Variants in ATP6V1C1 observed in about 807,000 individuals in gnomAD.
ATP6V1C1 encodes the protein ATPase H+ transporting V1 subunit C1, also known as V-type proton ATPase subunit C 1.
In ATP6V1C1, 45 loss-of-function variants were observed where a neutral mutation model predicts 53.9. The observed-to-expected ratio is 0.83, with a 90% CI of 0.66 to 1.07. ATP6V1C1 has a LOEUF of 1.07. Ranked by LOEUF, ATP6V1C1 falls within the 50% of genes least tolerant of loss-of-function variation. The pLI is 0.00. For missense variants in ATP6V1C1, 315 were observed against 440.3 expected, an observed-to-expected ratio of 0.72 and a Z score of 2.55; for synonymous variants, 153 against 155.2, an observed-to-expected ratio of 0.99 and a Z score of 0.11.
chr8:103,056,065 T>TCA, intron 8 of ATP6V1C1, 129 bp downstream of exon 8: 3 of 799,112 alleles, frequency 3.8e-6, no homozygotes, highest in Non-Finnish European at 5.8e-6. Context: ...TTCTATGAAC[T>TCA]CTAGTTGTAA....
Position 103,066,447 on chromosome 8 carries a change from T to A in ATP6V1C1, c.1053T>A (p.Asp351Glu), listed in dbSNP as rs1272203615. Reference protein sequence around the residue: ...HLDSSAAAIIDAPMDIPGLNL... With the variant: ...HLDSSAAAIIEAPMDIPGLNL... ...ACAGCAGTGCAGCAGCTATTATTGA[T>A]GTAAGTACTTATTAGCCCAGTAGAG... Residue 351 changes from aspartate to glutamate, a missense_variant and splice_region_variant, in exon 12 of 13, where the codon GAT (aspartate) becomes GAA (glutamate). Asp to Glu is a conservative substitution (Grantham distance 45). Coordinates refer to ENST00000518738, the MANE Select transcript of ATP6V1C1 (RefSeq NM_001695.5). The A allele has an allele frequency of 8.2e-6, 13 of 1,590,256 alleles. No homozygotes were observed. The highest frequency in any genetic ancestry group is 1.1e-5 in the Non-Finnish European group (13 of 1,172,666).
chr8:103,070,600 TTAAGAAAAACATGTCAC>T lies in ATP6V1C1; in HGVS notation c.*1857_*1873del. ...GCATGTTTTGACATTAAATTGACTT[TTAAGAAAAACATGTCAC>T]TAACCTGAAGCTCAGCCACACAGTG... On this transcript the variant is annotated 3_prime_UTR_variant, in exon 13 of 13. Coordinates refer to ENST00000518738, the MANE Select transcript of ATP6V1C1 (RefSeq NM_001695.5). 6.6e-6 allele frequency: 1 copy of T among 152,332 alleles called. No homozygotes were observed. The highest frequency in any genetic ancestry group is 1.9e-4 in the East Asian group (1 of 5,196). The allele number at this position is 152,332 out of a possible 1,614,324, so 9.4% of individuals were successfully genotyped here. A position where few individuals can be genotyped will look rare whatever the true frequency, so the allele number is the denominator to read the frequency against.
intron 5 of ATP6V1C1, among the ~76,000 whole-genome samples, chr8:103,051,567 G>A (rs1001302509): frequency 4.6e-5 from 7 of 152,044 alleles, no homozygotes; most frequent in South Asian, 2.1e-4. Flanking sequence ...TGACCCCTTC[G>A]GACTATTTAG....
chr8:103,029,483 G>A (rs1435134095), intron 1 of ATP6V1C1, among the ~76,000 whole-genome samples: 1 of 152,102 alleles, frequency 6.6e-6, no homozygotes, highest in African/African-American at 2.4e-5. Context: ...GCCCAGGCTG[G>A]TCTTGAATTC....
At chr8:103,064,861 T>C in intron 11 of ATP6V1C1, 50 bp downstream of exon 11, 1 of 1,524,582 alleles carries the variant, frequency 6.6e-7, no homozygotes. Flanking sequence ...CATAGATTCC[T>C]TACATTGGAC....
At chr8:103,042,306 A>G (rs752902037) in intron 2 of ATP6V1C1, 34 bp from the exon 3 acceptor site, 1 of 1,585,894 alleles carries the variant, frequency 6.3e-7, no homozygotes, top group South Asian at 1.2e-5. Flanking sequence ...TTAAAAAAGC[A>G]TGCCACCTAA....
intron 7 of ATP6V1C1, among the ~76,000 whole-genome samples, chr8:103,055,597 T>C (rs1269058011): frequency 6.6e-6 from 1 of 152,204 alleles, no homozygotes; most frequent in Non-Finnish European, 1.5e-5. Flanking sequence ...GAATCTATAC[T>C]GTGCTTTACT....
intron 10 of ATP6V1C1, among the ~76,000 whole-genome samples, chr8:103,063,651 A>G (rs185926023): frequency 1.3e-5 from 2 of 152,296 alleles, no homozygotes; most frequent in South Asian, 2.1e-4. Context: ...GATTTTTTCA[A>G]TGCCTCAATC....
intron 1 of ATP6V1C1, among the ~76,000 whole-genome samples, chr8:103,023,917 A>G (rs191788921): frequency 3.3e-5 from 5 of 151,398 alleles, no homozygotes; most frequent in African/African-American, 4.9e-5. Context: ...GGGGGGGGGA[A>G]CTTCTCCCTG....
intron 6 of ATP6V1C1, among the ~76,000 whole-genome samples, chr8:103,053,261 T>G (rs1020071383): frequency 2.0e-5 from 3 of 152,036 alleles, no homozygotes; most frequent in African/African-American, 7.2e-5. Flanking sequence ...AAAATAGGAC[T>G]GAATTTTTTT....
At chr8:103,047,428 G>GCACACACACACACA (rs1377123398) in intron 3 of ATP6V1C1, among the ~76,000 whole-genome samples, 1 of 117,584 alleles carries the variant, frequency 8.5e-6, no homozygotes, top group Admixed American at 9.3e-5. Context: ...AAAAATGCGC[G>GCACACACACACACA]CGCACACACA....
At chr8:103,057,173 A>G (rs556730846) in intron 8 of ATP6V1C1, among the ~76,000 whole-genome samples, 1 of 152,328 alleles carries the variant, frequency 6.6e-6, no homozygotes, top group East Asian at 1.9e-4. Flanking sequence ...AAGGGCCTGG[A>G]TACAGAATCT....
At chr8:103,039,777 G>A (rs1816962131) in intron 1 of ATP6V1C1, among the ~76,000 whole-genome samples, 1 of 152,084 alleles carries the variant, frequency 6.6e-6, no homozygotes, top group African/African-American at 2.4e-5. Flanking sequence ...AAGAGGGTTA[G>A]GTGAATCTTA....
At chr8:103,021,688 C>T (rs961597705) in intron 1 of ATP6V1C1, among the ~76,000 whole-genome samples, 1 of 151,954 alleles carries the variant, frequency 6.6e-6, no homozygotes, top group Non-Finnish European at 1.5e-5. Flanking sequence ...GGCCTAGGAG[C>T]CCCTAACTGC....
At chr8:103,041,570 A>G (rs1817001359) in intron 2 of ATP6V1C1, among the ~76,000 whole-genome samples, 1 of 152,162 alleles carries the variant, frequency 6.6e-6, no homozygotes, top group Admixed American at 6.6e-5. Flanking sequence ...TTTAAGAAAT[A>G]TTTAAAATGA....
intron 1 of ATP6V1C1, among the ~76,000 whole-genome samples, chr8:103,036,883 A>G (rs1469463635): frequency 6.6e-6 from 1 of 152,206 alleles, no homozygotes; most frequent in African/African-American, 2.4e-5. Flanking sequence ...GGGGGAGAGG[A>G]GGTATAAAAA....
At chr8:103,045,810 G>A (rs1048982981) in intron 3 of ATP6V1C1, among the ~76,000 whole-genome samples, 9 of 152,142 alleles carry the variant, frequency 5.9e-5, no homozygotes, top group East Asian at 1.9e-4. Context: ...GTGTGGTGGC[G>A]GGCGCCTGTA....
rs1267291215 is a variant in ATP6V1C1 at position 103,065,529 on chromosome 8, A to C, written c.926+718A>C. 2.0e-5 allele frequency among the ~76,000 whole-genome samples: 3 copies of C among 152,270 alleles called. No homozygotes were observed. In the South Asian group the frequency reaches 6.2e-4, roughly 32 times the overall value. On this transcript the variant is annotated intron_variant, in intron 11 of 12. Transcript: ENST00000518738. The stretch of plus-strand genomic sequence containing the variant: ...GATTGTGCCACTGCACTATTGCACC[A>C]CTGCACTCCAGCCTGGGCAACAGAG...
chr8:103,063,254 A>G, intron 10 of ATP6V1C1, 26 bp downstream of exon 10: 1 of 1,439,740 alleles, frequency 6.9e-7, no homozygotes, highest in Non-Finnish European at 9.7e-7. Context: ...ATTTAGTATT[A>G]TCAGTACTAA....
Sources: gnomAD v4.1 joint callset for allele counts (sites outside exome capture counted in the v4.1 genomes callset) on GRCh38, gnomAD v4.1.1 for gene constraint, MANE v1.5 for transcripts, NCBI Gene and HGNC (gene_info 2026-07-23, HGNC 2026-07-21) for gene names.